Variants in PCDH9 observed in about 807,000 individuals in gnomAD.
PCDH9 encodes the protein protocadherin-9.
A neutral mutation model predicts 70.6 loss-of-function variants in PCDH9; 24 were observed. The ratio of observed to expected loss-of-function variants is 0.34; its 90% CI spans 0.25 to 0.48. The LOEUF is 0.48. PCDH9 is among the 20% of genes least tolerant of loss of function. The probability of loss-of-function intolerance (pLI) is 0.99; values close to 1 mark genes in which losing one functional copy is unlikely to be tolerated. For synonymous variants in PCDH9, 562 were observed against 558.5 expected (o/e 1.01, Z -0.09); for missense variants, 1,281 against 1,503.6 (o/e 0.85, Z 2.45).
chr13:66,926,761 T>C (rs537055777), intron 2 of PCDH9, among the ~76,000 whole-genome samples: 5 of 152,240 alleles, frequency 3.3e-5, no homozygotes, highest in Admixed American at 3.3e-4. Context: ...TACTTACATG[T>C]GCTACACACT....
chr13:66,649,642 T>C (rs2077822417), intron 3 of PCDH9, among the ~76,000 whole-genome samples: 1 of 151,942 alleles, frequency 6.6e-6, no homozygotes, highest in Non-Finnish European at 1.5e-5. Context: ...CTGGTAATAG[T>C]AAGTAACGGA....
At chr13:66,450,796 A>T (rs1420158362) in intron 4 of PCDH9, among the ~76,000 whole-genome samples, 3 of 152,176 alleles carry the variant, frequency 2.0e-5, no homozygotes, top group Non-Finnish European at 4.4e-5. Context: ...CGGGCAGATC[A>T]CGAGGTCAGG....
At position 66,750,931 on chromosome 13, in the gene PCDH9, C is replaced by T. The variant is rs149619974; in HGVS notation, c.3139-119520G>A. Among the ~76,000 whole-genome samples the T allele has an allele frequency of 7.2e-3, 1,103 of 152,152 alleles. 9 individuals are homozygous for T. Among genetic ancestry groups the T allele is most frequent in the African/African-American group, 0.025 (1,050 of 41,534 alleles). ...TCTAGTGTATAGCATTTTTGTAAGA[C>T]TTAGTGAGTACAGCACATTAATGAA... On this transcript the variant is annotated intron_variant, in intron 3 of 4. Coordinates refer to ENST00000377865, the MANE Select transcript of PCDH9 (RefSeq NM_203487.3).
chr13:66,586,650 G>A (rs1367204056), intron 4 of PCDH9, among the ~76,000 whole-genome samples: 2 of 152,082 alleles, frequency 1.3e-5, no homozygotes, highest in East Asian at 1.9e-4. Context: ...TTGGCCCGAG[G>A]AAGGGAAATG....
chr13:66,346,875 T>C (rs1202272954), intron 4 of PCDH9, among the ~76,000 whole-genome samples: 1 of 152,154 alleles, frequency 6.6e-6, no homozygotes, highest in African/African-American at 2.4e-5. Context: ...TCTAAGTATT[T>C]GTATTAATTT....
chr13:67,107,172 T>C (rs551228195), intron 2 of PCDH9, among the ~76,000 whole-genome samples: 1 of 151,552 alleles, frequency 6.6e-6, no homozygotes, highest in South Asian at 2.1e-4. Context: ...AATGAGATCT[T>C]ATGGTGCTTT....
intron 3 of PCDH9, among the ~76,000 whole-genome samples, chr13:66,787,548 G>A (rs1279190999): frequency 2.0e-5 from 3 of 151,892 alleles, no homozygotes; most frequent in Non-Finnish European, 4.4e-5. Context: ...CCCAGAGGAC[G>A]GAGGCTGCAG....
chr13:66,566,711 T>C (rs9529095), intron 4 of PCDH9, among the ~76,000 whole-genome samples: 10,790 of 150,476 alleles, frequency 0.072, 495 homozygotes, highest in Non-Finnish European at 0.1. Flanking sequence ...TGAAGTGAAA[T>C]TGTCTTTTAC....
intron 3 of PCDH9, among the ~76,000 whole-genome samples, chr13:66,776,867 T>A (rs1159230164): frequency 5.1e-5 from 7 of 136,020 alleles, no homozygotes; most frequent in Non-Finnish European, 1.1e-4. Flanking sequence ...TCATGCTACC[T>A]GACTTCAAAC....
chr13:67,001,693 A>G (rs2084248476), intron 2 of PCDH9, among the ~76,000 whole-genome samples: 1 of 152,220 alleles, frequency 6.6e-6, no homozygotes, highest in African/African-American at 2.4e-5. Flanking sequence ...AGGGGACGGC[A>G]GAGTCCCCCA....
At chr13:66,471,614 C>A (rs1211073593) in intron 4 of PCDH9, among the ~76,000 whole-genome samples, 1 of 152,046 alleles carries the variant, frequency 6.6e-6, no homozygotes, top group Non-Finnish European at 1.5e-5. Context: ...GTGATTAATG[C>A]ATTTAATCAT....
chr13:66,858,444 T>C (rs1455332568), intron 3 of PCDH9, among the ~76,000 whole-genome samples: 2 of 152,178 alleles, frequency 1.3e-5, no homozygotes, highest in African/African-American at 4.8e-5. Context: ...AAATCCATCT[T>C]GTGCCATGTC....
At chr13:67,187,980 A>T (rs2088803848) in intron 2 of PCDH9, among the ~76,000 whole-genome samples, 1 of 152,130 alleles carries the variant, frequency 6.6e-6, no homozygotes, top group Non-Finnish European at 1.5e-5. Flanking sequence ...GTCACCCTGT[A>T]CTGTAATCAT....
At chr13:66,976,320 G>A (rs1326083738) in intron 2 of PCDH9, among the ~76,000 whole-genome samples, 1 of 152,046 alleles carries the variant, frequency 6.6e-6, no homozygotes, top group Non-Finnish European at 1.5e-5. Context: ...TATGGTAGTA[G>A]TCTATGTAAA....
intron 2 of PCDH9, among the ~76,000 whole-genome samples, chr13:67,155,401 C>G (rs1249572473): frequency 1.3e-5 from 2 of 152,054 alleles, no homozygotes; most frequent in Non-Finnish European, 2.9e-5. Flanking sequence ...TTAGAATGTT[C>G]CATAAGCATG....
chr13:66,622,913 A>G (rs907800180), intron 4 of PCDH9, among the ~76,000 whole-genome samples: 3 of 152,178 alleles, frequency 2.0e-5, no homozygotes, highest in African/African-American at 7.2e-5. Flanking sequence ...AAAGGTCTGC[A>G]GCTTCACTCC....
chr13:67,204,294 T>C (rs2089286968), intron 2 of PCDH9: 1 of 152,182 alleles, frequency 6.6e-6, no homozygotes, highest in South Asian at 2.1e-4. Context: ...AAAATTATTA[T>C]GCCAGCTTTA....
intron 2 of PCDH9, among the ~76,000 whole-genome samples, chr13:66,916,675 C>T (rs1337760509): frequency 1.3e-5 from 2 of 151,456 alleles, no homozygotes; most frequent in Admixed American, 6.6e-5. Flanking sequence ...TGGCTGATTG[C>T]GATCAAGATT....
At chr13:67,005,161 C>T (rs1270199228) in intron 2 of PCDH9, among the ~76,000 whole-genome samples, 1 of 151,656 alleles carries the variant, frequency 6.6e-6, no homozygotes, top group African/African-American at 2.4e-5. Context: ...GAATCACGGA[C>T]ATTTCTGCAT....
Sources: gnomAD v4.1 joint callset for allele counts (sites outside exome capture counted in the v4.1 genomes callset) on GRCh38, gnomAD v4.1.1 for gene constraint, MANE v1.5 for transcripts, NCBI Gene and HGNC (gene_info 2026-07-23, HGNC 2026-07-21) for gene names.